CHODL: variants seen among roughly 807,000 people sequenced by gnomAD.
CHODL encodes chondrolectin.
CHODL carries 29 observed loss-of-function variants against 34.5 expected under a neutral mutation model. The ratio of observed to expected loss-of-function variants is 0.84; its 90% CI spans 0.63 to 1.15. The LOEUF (loss-of-function observed/expected upper bound fraction) is 1.15. Ranked by LOEUF, CHODL falls within the 50% of genes most tolerant of loss-of-function variation. CHODL has a pLI of 0.00. For missense variants in CHODL, 332 were observed against 332.5 expected (o/e 1.00, Z 0.01); for synonymous variants, 125 against 116.1 (o/e 1.08, Z -0.49).
At chr21:18,198,550 A>G (rs2073615117) in intron 2 of CHODL, among the ~76,000 whole-genome samples, 1 of 152,172 alleles carries the variant, frequency 6.6e-6, no homozygotes, top group Non-Finnish European at 1.5e-5. Flanking sequence ...ATTTGTCTCT[A>G]TACAAAACAA....
intron 1 of CHODL, among the ~76,000 whole-genome samples, chr21:17,948,954 A>C (rs950730157): frequency 6.6e-5 from 10 of 152,180 alleles, no homozygotes; most frequent in African/African-American, 2.4e-4. Context: ...ATGCAACAAA[A>C]ATCAAAATCA....
chr21:18,091,826 C>A lies in CHODL; in HGVS notation c.-45+63855C>A, dbSNP rs112923562. Among the ~76,000 whole-genome samples the A allele has an allele frequency of 5.8e-3, 885 of 152,178 alleles. 4 individuals are homozygous for A. Among genetic ancestry groups the A allele is most frequent in the Non-Finnish European group, 0.011 (738 of 68,016 alleles). On this transcript the variant is annotated intron_variant, in intron 2 of 6. Transcript: ENST00000400127. Reference sequence around the variant, plus strand: ...TAGCCTGGCAGAATGCCCCGTGGACCAGTAGTGGTGGTGATGGCCACAGGG... The same window carrying A: ...TAGCCTGGCAGAATGCCCCGTGGACAAGTAGTGGTGGTGATGGCCACAGGG...
At chr21:18,088,107 C>T (rs943829412) in intron 2 of CHODL, among the ~76,000 whole-genome samples, 14 of 152,152 alleles carry the variant, frequency 9.2e-5, no homozygotes, top group Non-Finnish European at 1.8e-4. Context: ...TACCAGGCCC[C>T]TCCTCCAACA....
At chr21:18,190,452 C>A (rs527753308) in intron 2 of CHODL, among the ~76,000 whole-genome samples, 2 of 152,246 alleles carry the variant, frequency 1.3e-5, no homozygotes, top group Admixed American at 1.3e-4. Flanking sequence ...CACTTCACGG[C>A]AAATCCTAAT....
intron 2 of CHODL, among the ~76,000 whole-genome samples, chr21:18,060,336 T>C (rs541374707): frequency 1.6e-4 from 25 of 152,044 alleles, no homozygotes; most frequent in African/African-American, 6.0e-4. Flanking sequence ...ACGTCTGTGG[T>C]CCCAGCTACT....
chr21:17,953,008 C>T (rs1243012691), intron 1 of CHODL, among the ~76,000 whole-genome samples: 2 of 152,084 alleles, frequency 1.3e-5, no homozygotes, highest in Non-Finnish European at 2.9e-5. Flanking sequence ...AAAATTGCCC[C>T]CATGATCCAG....
intron 2 of CHODL, among the ~76,000 whole-genome samples, chr21:18,103,263 C>G (rs1034629999): frequency 1.2e-4 from 18 of 152,090 alleles, no homozygotes; most frequent in Admixed American, 4.6e-4. Flanking sequence ...AATAAAGAAA[C>G]TGACCCTTTG....
At chr21:18,162,305 T>A (rs1258377313) in intron 2 of CHODL, among the ~76,000 whole-genome samples, 9 of 152,130 alleles carry the variant, frequency 5.9e-5, no homozygotes, top group African/African-American at 2.2e-4. Flanking sequence ...AGGAAGAATT[T>A]GTTTCATCCC....
At chr21:18,101,353 C>T (rs111522283) in intron 2 of CHODL, among the ~76,000 whole-genome samples, 2 of 151,898 alleles carry the variant, frequency 1.3e-5, no homozygotes, top group Non-Finnish European at 2.9e-5. Flanking sequence ...TTATCAGCAA[C>T]GTGAAAATGG....
chr21:18,224,663 T>G (rs1201019135), intron 2 of CHODL, among the ~76,000 whole-genome samples: 1 of 152,168 alleles, frequency 6.6e-6, no homozygotes, highest in Non-Finnish European at 1.5e-5. Flanking sequence ...TATGGATTTA[T>G]GTGTTCTTCC....
chr21:18,163,114 A>T (rs1004370581), intron 2 of CHODL, among the ~76,000 whole-genome samples: 1 of 152,226 alleles, frequency 6.6e-6, no homozygotes, highest in Non-Finnish European at 1.5e-5. Flanking sequence ...GGCTATTAAC[A>T]TATAGTGCTA....
At chr21:18,189,697 C>T (rs2073488304) in intron 2 of CHODL, among the ~76,000 whole-genome samples, 1 of 143,794 alleles carries the variant, frequency 7.0e-6, no homozygotes, top group African/African-American at 2.6e-5. Flanking sequence ...TGCAGTGGTG[C>T]GATCTCAGCT....
chr21:17,935,450 C>T (rs901447856), intron 1 of CHODL, among the ~76,000 whole-genome samples: 2 of 152,180 alleles, frequency 1.3e-5, no homozygotes, highest in East Asian at 3.8e-4. Context: ...TTCTTTTCCA[C>T]AGCTCACAAG....
chr21:18,081,598 T>C (rs1394179087), intron 2 of CHODL, among the ~76,000 whole-genome samples: 1 of 151,846 alleles, frequency 6.6e-6, no homozygotes, highest in Non-Finnish European at 1.5e-5. Flanking sequence ...AGAGAATCGC[T>C]TGAACCCAGG....
intron 1 of CHODL, among the ~76,000 whole-genome samples, chr21:17,927,158 A>G (rs199780987): frequency 0.11 from 6,364 of 59,884 alleles, 430 homozygotes; most frequent in African/African-American, 0.26. Context: ...ATGTATATAT[A>G]TGTATATATG....
At chr21:18,219,754 G>T (rs1372370645) in intron 2 of CHODL, among the ~76,000 whole-genome samples, 1 of 150,744 alleles carries the variant, frequency 6.6e-6, no homozygotes, top group Non-Finnish European at 1.5e-5. Flanking sequence ...CAGTTCATTT[G>T]CCCATTTTTA....
intron 2 of CHODL, among the ~76,000 whole-genome samples, chr21:18,108,873 T>TG (rs2065310961): frequency 4.5e-5 from 6 of 133,914 alleles, no homozygotes; most frequent in Admixed American, 7.2e-5. Context: ...GTGTGTGTGT[T>TG]TCTTCTAACT....
At chr21:18,142,995 C>T (rs188438594) in intron 2 of CHODL, among the ~76,000 whole-genome samples, 1 of 152,300 alleles carries the variant, frequency 6.6e-6, no homozygotes, top group East Asian at 1.9e-4. Context: ...ACATAATGAG[C>T]TATAGTTTAG....
chr21:18,263,206 A>G (rs2074403743), intron 5 of CHODL, among the ~76,000 whole-genome samples: 1 of 152,132 alleles, frequency 6.6e-6, no homozygotes, highest in South Asian at 2.1e-4. Context: ...ATGTTTGTAA[A>G]CTTCCAACAT....
Sources: allele counts gnomAD v4.1 joint callset (sites outside exome capture counted in the v4.1 genomes callset), GRCh38; gene constraint gnomAD v4.1.1; transcripts MANE v1.5; gene names NCBI Gene and HGNC (gene_info 2026-07-23, HGNC 2026-07-21).